Variants in NPAS3 observed in about 807,000 individuals in gnomAD.
The protein encoded by NPAS3 is neuronal PAS domain-containing protein 3.
A neutral mutation model predicts 73.1 loss-of-function variants in NPAS3; 14 were observed. The ratio of observed to expected loss-of-function variants is 0.19; its 90% CI spans 0.13 to 0.30. The LOEUF (loss-of-function observed/expected upper bound fraction) is 0.30, where lower values mean the gene tolerates loss of function less well. NPAS3 is among the 10% of genes least tolerant of loss of function. NPAS3 has a pLI of 1.00. For missense variants in NPAS3, 1,096 were observed against 1,250.0 expected (o/e 0.88, Z 1.86); for synonymous variants, 620 against 541.5 (o/e 1.14, Z -2.01).
intron 5 of NPAS3, among the ~76,000 whole-genome samples, chr14:33,597,401 A>C (rs1472645963): frequency 1.3e-5 from 2 of 152,244 alleles, no homozygotes; most frequent in African/African-American, 4.8e-5. Flanking sequence ...TTGTGATATC[A>C]CCATAAAATT....
chr14:33,279,164 A>G (rs1179906978), intron 3 of NPAS3, among the ~76,000 whole-genome samples: 1 of 152,102 alleles, frequency 6.6e-6, no homozygotes, highest in African/African-American at 2.4e-5. Context: ...ATTTCTAACA[A>G]GTTCTCAGGG....
chr14:33,743,001 C>T (rs777014570), intron 7 of NPAS3, among the ~76,000 whole-genome samples: 4 of 149,920 alleles, frequency 2.7e-5, no homozygotes, highest in South Asian at 2.1e-4. Context: ...TTGCCATTTC[C>T]TTCATATATG....
chr14:33,201,880 G>A (rs1449819716), intron 2 of NPAS3, among the ~76,000 whole-genome samples: 1 of 152,034 alleles, frequency 6.6e-6, no homozygotes, highest in Non-Finnish European at 1.5e-5. Context: ...CAACAGTTGG[G>A]ATCAATGTTA....
chr14:33,115,323 TAGGTGCAGTG>T (rs2043026546), intron 2 of NPAS3, among the ~76,000 whole-genome samples: 1 of 151,898 alleles, frequency 6.6e-6, no homozygotes, highest in Admixed American at 6.6e-5. Flanking sequence ...AGGAAGGAGG[TAGGTGCAGTG>T]AATTCAGGCT....
intron 3 of NPAS3, among the ~76,000 whole-genome samples, chr14:33,356,133 T>A (rs2045327513): frequency 6.6e-6 from 1 of 152,250 alleles, no homozygotes; most frequent in Admixed American, 6.5e-5. Context: ...AGAGTATACA[T>A]TGAACTGTGG....
intron 3 of NPAS3, among the ~76,000 whole-genome samples, chr14:33,220,284 A>T (rs2047375644): frequency 6.6e-6 from 1 of 152,092 alleles, no homozygotes; most frequent in East Asian, 1.9e-4. Context: ...CCCAATCCAT[A>T]GTAGGTGGTG....
chr14:32,945,907 A>G (rs1428326023), intron 1 of NPAS3, among the ~76,000 whole-genome samples: 1 of 152,190 alleles, frequency 6.6e-6, no homozygotes, highest in Non-Finnish European at 1.5e-5. Flanking sequence ...TGCCACGTAC[A>G]TCTGCCTCTT....
chr14:33,080,414 AT>A (rs1186627901), intron 2 of NPAS3, among the ~76,000 whole-genome samples: 1 of 152,274 alleles, frequency 6.6e-6, no homozygotes, highest in Non-Finnish European at 1.5e-5. Flanking sequence ...CCCCAGTCTG[AT>A]TTTTTTAGGG....
chr14:33,143,241 C>A (rs148504564), intron 2 of NPAS3, among the ~76,000 whole-genome samples: 1 of 152,216 alleles, frequency 6.6e-6, no homozygotes, highest in Non-Finnish European at 1.5e-5. Flanking sequence ...CCTGTAATCA[C>A]AGCACTTTGG....
chr14:32,960,206 A>C (rs1475754586), intron 1 of NPAS3, among the ~76,000 whole-genome samples: 1 of 151,630 alleles, frequency 6.6e-6, no homozygotes. Flanking sequence ...TTTTTTTTCC[A>C]TTGACTTAAA....
exon 8 of NPAS3, chr14:33,774,406 A>T: frequency 6.2e-7 from 1 of 1,614,128 alleles, no homozygotes; most frequent in Non-Finnish European, 8.5e-7. Context: ...CCCCAGCCAA[A>T]TCATGGGTCT....
chr14:32,945,640 C>CA (rs1383832559), intron 1 of NPAS3, among the ~76,000 whole-genome samples: 8 of 152,156 alleles, frequency 5.3e-5, no homozygotes, highest in Non-Finnish European at 8.8e-5. Flanking sequence ...TTTCCAAACT[C>CA]AGAGATTTCC....
chr14:33,419,377 A>T (rs2048282937), intron 4 of NPAS3, among the ~76,000 whole-genome samples: 1 of 151,930 alleles, frequency 6.6e-6, no homozygotes, highest in South Asian at 2.1e-4. Flanking sequence ...TGTATATTTT[A>T]TATAGAGGCA....
chr14:33,486,218 G>A (rs951531347), intron 4 of NPAS3, among the ~76,000 whole-genome samples: 4 of 151,770 alleles, frequency 2.6e-5, no homozygotes, highest in Admixed American at 2.0e-4. Flanking sequence ...AAGTCATAGA[G>A]AGAAATAGAT....
At chr14:33,134,451 G>A (rs899572526) in intron 2 of NPAS3, among the ~76,000 whole-genome samples, 5 of 152,036 alleles carry the variant, frequency 3.3e-5, no homozygotes, top group Non-Finnish European at 7.4e-5. Context: ...GCACAGTTTT[G>A]TAGGCAAATA....
intron 2 of NPAS3, among the ~76,000 whole-genome samples, chr14:33,177,598 C>T (rs550631425): frequency 6.6e-6 from 1 of 152,296 alleles, no homozygotes; most frequent in East Asian, 1.9e-4. Context: ...CTGCCAAATC[C>T]AAGGTCCTAA....
intron 2 of NPAS3, among the ~76,000 whole-genome samples, chr14:33,122,697 C>G (rs2043275250): frequency 6.6e-6 from 1 of 152,016 alleles, no homozygotes; most frequent in Non-Finnish European, 1.5e-5. Context: ...GTTTAATTGC[C>G]TACAGGTTTC....
At chr14:33,140,508 G>A (rs1405950225) in intron 2 of NPAS3, among the ~76,000 whole-genome samples, 1 of 152,120 alleles carries the variant, frequency 6.6e-6, no homozygotes, top group African/African-American at 2.4e-5. Flanking sequence ...TTCTAGAAGT[G>A]TTGGTGTTGG....
intron 5 of NPAS3, among the ~76,000 whole-genome samples, chr14:33,614,806 T>C (rs1459511163): frequency 6.6e-6 from 1 of 152,222 alleles, no homozygotes; most frequent in African/African-American, 2.4e-5. Context: ...CAAATTTAAT[T>C]ATTCAAAATA....
Sources: allele counts gnomAD v4.1 joint callset (sites outside exome capture counted in the v4.1 genomes callset), GRCh38; gene constraint gnomAD v4.1.1; transcripts MANE v1.5; gene names NCBI Gene and HGNC (gene_info 2026-07-23, HGNC 2026-07-21).